Variants in TNFRSF9 observed in about 807,000 individuals in gnomAD.
TNFRSF9 encodes the protein tumor necrosis factor receptor superfamily member 9.
In TNFRSF9, 16 loss-of-function variants were observed where a neutral mutation model predicts 28.8. The ratio of observed to expected loss-of-function variants is 0.55; its 90% CI spans 0.38 to 0.84. The LOEUF (loss-of-function observed/expected upper bound fraction) is 0.84. Ranked by LOEUF, TNFRSF9 falls within the 40% of genes least tolerant of loss-of-function variation. The pLI is 0.00. For missense variants in TNFRSF9, 303 were observed against 315.0 expected (o/e 0.96, Z 0.29); for synonymous variants, 131 against 117.0 (o/e 1.12, Z -0.77).
intron 5 of TNFRSF9, among the ~76,000 whole-genome samples, chr1:7,936,306 T>C (rs1297298308): frequency 1.3e-5 from 2 of 152,050 alleles, no homozygotes; most frequent in African/African-American, 4.8e-5. Flanking sequence ...TAATCCCAGC[T>C]ACTAGGAGGC....
chr1:7,921,048 A>G (rs1639550657), intron 7 of TNFRSF9, 125 bp from the exon 8 acceptor site: 1 of 719,182 alleles, frequency 1.4e-6, no homozygotes. Flanking sequence ...TAATTTTAAC[A>G]AACTCAGCCA....
chr1:7,937,530 G>A (rs558565252), intron 5 of TNFRSF9, among the ~76,000 whole-genome samples, 160 bp downstream of exon 5: 1 of 152,268 alleles, frequency 6.6e-6, no homozygotes, highest in African/African-American at 2.4e-5. Flanking sequence ...TTTGCCTATT[G>A]AGTTGCTACG....
chr1:7,934,372 C>CG (rs1335903099), intron 6 of TNFRSF9, among the ~76,000 whole-genome samples: 1 of 143,408 alleles, frequency 7.0e-6, no homozygotes, highest in Non-Finnish European at 1.5e-5. Flanking sequence ...AAGGCACTCT[C>CG]GGGGGAAAAA....
chr1:7,931,143 G>A (rs2472862), intron 7 of TNFRSF9, among the ~76,000 whole-genome samples: 62,073 of 152,072 alleles, frequency 0.41, 13,661 homozygotes, highest in South Asian at 0.63. Flanking sequence ...AGGGGATGTG[G>A]AGTAACAGGA....
intron 7 of TNFRSF9, among the ~76,000 whole-genome samples, chr1:7,922,669 G>A (rs1297387813): frequency 2.0e-5 from 3 of 151,850 alleles, no homozygotes; most frequent in Non-Finnish European, 4.4e-5. Flanking sequence ...AAAATTAGCT[G>A]GGCATGGTGG....
chr1:7,923,457 C>T (rs565181292), intron 7 of TNFRSF9, among the ~76,000 whole-genome samples: 1 of 152,308 alleles, frequency 6.6e-6, no homozygotes, highest in South Asian at 2.1e-4. Flanking sequence ...CAAACTTCCT[C>T]CACCCCTGCC....
intron 7 of TNFRSF9, among the ~76,000 whole-genome samples, chr1:7,925,561 C>T (rs1282775858): frequency 6.6e-6 from 1 of 152,032 alleles, no homozygotes; most frequent in Non-Finnish European, 1.5e-5. Context: ...TTATTGTGCA[C>T]TTTATTTCTA....
intron 7 of TNFRSF9, among the ~76,000 whole-genome samples, chr1:7,925,714 G>A (rs1639641684): frequency 6.6e-6 from 1 of 152,146 alleles, no homozygotes; most frequent in South Asian, 2.1e-4. Context: ...ATCAGGTACT[G>A]GATTCTCATA....
chr1:7,938,632 T>G, intron 3 of TNFRSF9, 89 bp downstream of exon 3: 1 of 1,154,954 alleles, frequency 8.7e-7, no homozygotes, highest in Non-Finnish European at 1.2e-6. Flanking sequence ...ACACTTGAGA[T>G]TTTCAAAAGA....
At chr1:7,922,578 A>G (rs1291910800) in intron 7 of TNFRSF9, among the ~76,000 whole-genome samples, 1 of 152,156 alleles carries the variant, frequency 6.6e-6, no homozygotes, top group Non-Finnish European at 1.5e-5. Context: ...TTGGGAAGCC[A>G]AAGCAAGCAG....
At position 7,916,739 on chromosome 1, in the gene TNFRSF9, T is replaced by G. The variant is rs1639482602; in HGVS notation, c.*4096A>C. 6.6e-6 allele frequency: 1 copy of G among 152,224 alleles called. No individual in the cohort carries two copies. Among genetic ancestry groups the G allele is most frequent in the Non-Finnish European group, 1.5e-5 (1 of 68,036 alleles). The allele number at this position is 152,224 out of a possible 1,614,324, so 9.4% of individuals were successfully genotyped here. On this transcript the variant is annotated 3_prime_UTR_variant, in exon 8 of 8. Coordinates refer to ENST00000377507, the MANE Select transcript of TNFRSF9 (RefSeq NM_001561.6). ...TTCCTAAGCTTTGCTTTGCCTACTATTTGGCAAGAATTGTACAGCCAATAA... is the reference window on the plus strand; with the variant it reads ...TTCCTAAGCTTTGCTTTGCCTACTAGTTGGCAAGAATTGTACAGCCAATAA...
chr1:7,917,919 TA>T lies in TNFRSF9; in HGVS notation c.*2915del, dbSNP rs1237356984. 4.0e-5 allele frequency: 6 copies of T among 148,958 alleles called. No individual in the cohort carries two copies. The East Asian group carries it at 1.2e-3, about 29-fold the overall frequency. The allele number at this position is 148,958 out of a possible 1,614,324, so 9.2% of individuals were successfully genotyped here. On this transcript the variant is annotated 3_prime_UTR_variant, in exon 8 of 8. Transcript: ENST00000377507. Reference sequence around the variant, plus strand: ...AAAATAAAAATAAAAAAGAATTTTATAAAAAATTTTAAAAAGGGAAAAATAA... The same window carrying T: ...AAAATAAAAATAAAAAAGAATTTTATAAAAATTTTAAAAAGGGAAAAATAA...
chr1:7,920,852 C>T lies in TNFRSF9; in HGVS notation c.751G>A (p.Gly251Arg), dbSNP rs1380890158. The T allele has an allele frequency of 3.1e-6, 5 of 1,606,954 alleles. No individual in the cohort carries two copies. In the South Asian group the frequency reaches 5.5e-5, roughly 18 times the overall value. Residue 251 changes from glycine to arginine, a missense_variant, in exon 8 of 8, where the codon GGA becomes AGA. Gly to Arg is a moderately radical substitution (Grantham distance 125). Transcript: ENST00000377507. ...CSCRFPEEEE[G>R]GCEL is the part of the protein sequence containing the mutation. ...CTTCCATTTCACAGTTCACATCCTC[C>T]TTCTTCTTCTTCTGGAAATCGGCAG... is the stretch of plus-strand genomic sequence containing the variant.
intron 7 of TNFRSF9, among the ~76,000 whole-genome samples, chr1:7,931,867 A>C (rs1370493716): frequency 6.6e-6 from 1 of 152,248 alleles, no homozygotes; most frequent in Non-Finnish European, 1.5e-5. Context: ...TTACTGGCTG[A>C]GCGCAGTGGC....
At chr1:7,932,693 A>G (rs371802070) in intron 7 of TNFRSF9, among the ~76,000 whole-genome samples, 68 of 150,870 alleles carry the variant, frequency 4.5e-4, no homozygotes, top group South Asian at 1.7e-3. Context: ...ACGCACGCGC[A>G]CACACACACG....
At position 7,920,396 on chromosome 1, in the gene TNFRSF9, G is replaced by C. The variant is rs946233798; in HGVS notation, c.*439C>G. 1 of 152,340 alleles carries C rather than the reference G, an allele frequency of 6.6e-6. No homozygotes were observed. Among genetic ancestry groups the C allele is most frequent in the African/African-American group, 2.5e-5 (1 of 39,232 alleles). The allele number at this position is 152,340 out of a possible 1,614,324, so 9.4% of individuals were successfully genotyped here. A position where few individuals can be genotyped will look rare whatever the true frequency, so the allele number is the denominator to read the frequency against. ...ATTTTGGCCGGGCCTGGCAGTTCATGTCTGTAATCCCAGCACTTTGGGAGG... is the reference window on the plus strand; with the variant it reads ...ATTTTGGCCGGGCCTGGCAGTTCATCTCTGTAATCCCAGCACTTTGGGAGG... On this transcript the variant is annotated 3_prime_UTR_variant, in exon 8 of 8. Coordinates refer to ENST00000377507, the MANE Select transcript of TNFRSF9 (RefSeq NM_001561.6).
At chr1:7,940,111 G>A (rs1026783982) in intron 1 of TNFRSF9, 33 bp from the exon 2 acceptor site, 5 of 680,524 alleles carry the variant, frequency 7.3e-6, no homozygotes, top group African/African-American at 1.8e-5. Flanking sequence ...AGGAAAGGTG[G>A]TTTCTCCTTT....
chr1:7,930,316 A>C (rs9658001), intron 7 of TNFRSF9, among the ~76,000 whole-genome samples: 3,656 of 152,236 alleles, frequency 0.024, 154 homozygotes, highest in African/African-American at 0.084. Context: ...CGTGATGGCG[A>C]GCGCGGAATC....
In TNFRSF9 at chr1:7,934,929, G is replaced by C. The variant is rs548075433; in HGVS notation, c.544+84C>G. ...TGCACGTGGGAGGTGCCTGATATGA[G>C]ATATCATGATATTGGGGCAATTTAG... is the stretch of plus-strand genomic sequence containing the variant. On this transcript the variant is annotated intron_variant, in intron 6 of 7. Transcript: ENST00000377507. The C allele has an allele frequency of 8.4e-6, 13 of 1,540,418 alleles. No homozygotes were observed. The South Asian group carries it at 1.5e-4, about 18-fold the overall frequency.
Sources: gnomAD v4.1 joint callset for allele counts (sites outside exome capture counted in the v4.1 genomes callset) on GRCh38, gnomAD v4.1.1 for gene constraint, MANE v1.5 for transcripts, NCBI Gene and HGNC (gene_info 2026-07-23, HGNC 2026-07-21) for gene names.